The following STK39 variants were observed in gnomAD, a reference collection of about 807,000 sequenced individuals.
STK39 encodes serine/threonine kinase 39.
A neutral mutation model predicts 77.8 loss-of-function variants in STK39; 20 were observed. The ratio of observed to expected loss-of-function variants is 0.26; its 90% CI spans 0.18 to 0.37. The LOEUF (loss-of-function observed/expected upper bound fraction) is 0.37. Among genes scored for constraint, STK39 ranks in the 10% least tolerant of loss-of-function variants. STK39 has a pLI of 1.00. For missense variants in STK39, 479 were observed against 656.5 expected (o/e 0.73, Z 2.95); for synonymous variants, 246 against 234.1 (o/e 1.05, Z -0.47).
chr2:168,088,767 T>G (rs1686437998), intron 10 of STK39, among the ~76,000 whole-genome samples: 1 of 152,116 alleles, frequency 6.6e-6, no homozygotes, highest in South Asian at 2.1e-4. Context: ...TGGGAAGCAT[T>G]TACAGGATGT....
intron 1 of STK39, among the ~76,000 whole-genome samples, chr2:168,198,606 C>A (rs921803159): frequency 6.6e-6 from 1 of 152,178 alleles, no homozygotes; most frequent in Non-Finnish European, 1.5e-5. Context: ...GAATGACTCA[C>A]AAAGCACAGT....
intron 10 of STK39, among the ~76,000 whole-genome samples, chr2:168,125,689 A>G (rs1321752532): frequency 1.3e-5 from 2 of 152,138 alleles, no homozygotes; most frequent in African/African-American, 4.8e-5. Flanking sequence ...GAAAATAAAT[A>G]TCCTCAGTTT....
chr2:168,096,920 C>T (rs1411482273), intron 10 of STK39, among the ~76,000 whole-genome samples: 1 of 151,894 alleles, frequency 6.6e-6, no homozygotes, highest in Non-Finnish European at 1.5e-5. Flanking sequence ...AAAAAACCTG[C>T]CTTTCAATGG....
chr2:168,034,460 A>C (rs1351391973), intron 14 of STK39, among the ~76,000 whole-genome samples: 1 of 152,244 alleles, frequency 6.6e-6, no homozygotes, highest in Admixed American at 6.5e-5. Flanking sequence ...TGATCCTGTC[A>C]AATCAGAGGA....
At chr2:168,044,197 G>C (rs779719324) in intron 14 of STK39, among the ~76,000 whole-genome samples, 20 of 152,116 alleles carry the variant, frequency 1.3e-4, no homozygotes, top group Admixed American at 3.9e-4. Context: ...CAATACTGTT[G>C]AGTATATCAC....
At chr2:168,172,096 T>G (rs889843385) in intron 2 of STK39, among the ~76,000 whole-genome samples, 6 of 152,180 alleles carry the variant, frequency 3.9e-5, no homozygotes, top group African/African-American at 2.4e-5. Flanking sequence ...ACTATCTACA[T>G]GAGATTATTG....
In STK39 at chr2:168,247,544, C is replaced by CCTGCCGCCGCCG. The variant is rs1553465763; in HGVS notation, c.-110_-109insCGGCGGCGGCAG. The CCTGCCGCCGCCG allele has an allele frequency of 8.4e-6, 4 of 478,762 alleles. No homozygotes were observed. In the Admixed American group the frequency reaches 1.8e-4, roughly 21 times the overall value. 29.7% of individuals were successfully genotyped at this position (478,762 alleles called of 1,614,324 possible). A position where few individuals can be genotyped will look rare whatever the true frequency, so the allele number is the denominator to read the frequency against. On this transcript the variant is annotated 5_prime_UTR_variant, in exon 1 of 18. Coordinates refer to ENST00000355999, the MANE Select transcript of STK39 (RefSeq NM_013233.3). ...TCTCGGCCGGCGCACGCCCTCCCCGCCCGCCGCCGCCGCCGCCGTCCCCGC... is the reference window on the plus strand; with the variant it reads ...TCTCGGCCGGCGCACGCCCTCCCCGCCTGCCGCCGCCGCCGCCGCCGCCGCCGCCGTCCCCGC...
chr2:168,065,121 A>G (rs1442896102), intron 13 of STK39, among the ~76,000 whole-genome samples, 198 bp downstream of exon 13: 2 of 152,174 alleles, frequency 1.3e-5, no homozygotes, highest in African/African-American at 4.8e-5. Context: ...CTGGTAATCA[A>G]TTCTCACTCT....
At chr2:168,216,477 C>T (rs762911697) in intron 1 of STK39, among the ~76,000 whole-genome samples, 3 of 152,164 alleles carry the variant, frequency 2.0e-5, no homozygotes, top group Non-Finnish European at 1.5e-5. Context: ...AACAGAAGCA[C>T]GCCTGCACAC....
chr2:168,216,266 A>C (rs1339094285), intron 1 of STK39, among the ~76,000 whole-genome samples: 1 of 152,186 alleles, frequency 6.6e-6, no homozygotes, highest in Non-Finnish European at 1.5e-5. Flanking sequence ...AGGGAGACAG[A>C]TGAAGGCTTC....
chr2:168,076,239 A>C (rs1574444246), intron 10 of STK39, among the ~76,000 whole-genome samples: 1 of 152,292 alleles, frequency 6.6e-6, no homozygotes, highest in Non-Finnish European at 1.5e-5. Context: ...AACGTGACCC[A>C]AGATCACACA....
intron 8 of STK39, among the ~76,000 whole-genome samples, chr2:168,133,023 GA>G (rs939558727): frequency 6.6e-6 from 1 of 152,164 alleles, no homozygotes; most frequent in Non-Finnish European, 1.5e-5. Context: ...ATGAAAATGA[GA>G]CTCGTGCTAG....
chr2:168,156,448 T>C (rs1301654071), intron 5 of STK39, among the ~76,000 whole-genome samples: 1 of 152,152 alleles, frequency 6.6e-6, no homozygotes, highest in Non-Finnish European at 1.5e-5. Flanking sequence ...TTCTTCACTC[T>C]GGTGATATTG....
intron 7 of STK39, 41 bp downstream of exon 7, chr2:168,140,248 T>A (rs1477536140): frequency 6.7e-7 from 1 of 1,491,592 alleles, no homozygotes; most frequent in South Asian, 1.1e-5. Context: ...TTCCGTCCAA[T>A]CACATTTCAA....
intron 14 of STK39, among the ~76,000 whole-genome samples, chr2:168,022,243 T>G (rs1684588791): frequency 6.6e-6 from 1 of 152,198 alleles, no homozygotes; most frequent in South Asian, 2.1e-4. Flanking sequence ...TCATTTTGCA[T>G]AAATACAAGT....
intron 16 of STK39, among the ~76,000 whole-genome samples, chr2:168,002,900 C>T (rs1684037713): frequency 6.6e-6 from 1 of 152,200 alleles, no homozygotes; most frequent in South Asian, 2.1e-4. Context: ...CAGCACTCTG[C>T]AGAGCAAACA....
At chr2:168,213,142 GTGACAGCAAATGTC>G (rs1352122238) in intron 1 of STK39, among the ~76,000 whole-genome samples, 1 of 152,220 alleles carries the variant, frequency 6.6e-6, no homozygotes, top group Non-Finnish European at 1.5e-5. Flanking sequence ...GAAACCCATG[GTGACAGCAAATGTC>G]TAACAAGGTA....
intron 1 of STK39, among the ~76,000 whole-genome samples, chr2:168,235,089 G>A (rs1047372175): frequency 2.0e-5 from 3 of 150,566 alleles, no homozygotes; most frequent in Non-Finnish European, 4.4e-5. Flanking sequence ...CCAGGCTGGA[G>A]TGCAGCGGCG....
At chr2:168,003,642 A>G (rs1233901276) in intron 16 of STK39, among the ~76,000 whole-genome samples, 7 of 152,082 alleles carry the variant, frequency 4.6e-5, no homozygotes, top group African/African-American at 1.5e-4. Flanking sequence ...CAGCACCCCC[A>G]AAGTACTTAT....
Sources: allele counts gnomAD v4.1 joint callset (sites outside exome capture counted in the v4.1 genomes callset), GRCh38; gene constraint gnomAD v4.1.1; transcripts MANE v1.5; gene names NCBI Gene and HGNC (gene_info 2026-07-23, HGNC 2026-07-21).